The following BRWD1 variants were observed in gnomAD, a reference collection of about 807,000 sequenced individuals.
The protein encoded by BRWD1 is bromodomain and WD repeat domain containing 1.
BRWD1 carries 82 observed loss-of-function variants against 251.2 expected under a neutral mutation model. The observed-to-expected ratio is 0.33, with a 90% CI of 0.27 to 0.39. The LOEUF (loss-of-function observed/expected upper bound fraction) is 0.39, where lower values mean the gene tolerates loss of function less well. Among genes scored for constraint, BRWD1 ranks in the 10% least tolerant of loss-of-function variants. The pLI is 1.00. For missense variants in BRWD1, 2,233 were observed against 2,711.6 expected (o/e 0.82, Z 3.92); for synonymous variants, 918 against 902.8 (o/e 1.02, Z -0.30).
intron 12 of BRWD1, among the ~76,000 whole-genome samples, chr21:39,275,551 CAGTT>C (rs891471969): frequency 2.6e-5 from 4 of 152,018 alleles, no homozygotes; most frequent in African/African-American, 4.8e-5. Context: ...TACAAAGTGA[CAGTT>C]AATTATATAT....
intron 6 of BRWD1, among the ~76,000 whole-genome samples, 153 bp downstream of exon 6, chr21:39,296,112 T>G (rs1474199637): frequency 2.6e-5 from 4 of 152,204 alleles, no homozygotes; most frequent in Non-Finnish European, 5.9e-5. Context: ...TTTTAGTAAT[T>G]ATTTTAACAA....
At chr21:39,285,996 CAT>C (rs1159108934) in intron 8 of BRWD1, among the ~76,000 whole-genome samples, 1 of 144,196 alleles carries the variant, frequency 6.9e-6, no homozygotes, top group African/African-American at 2.5e-5. Context: ...ATTCACATAA[CAT>C]AAAACTCACC....
intron 7 of BRWD1, among the ~76,000 whole-genome samples, chr21:39,295,261 A>T (rs1396538756): frequency 2.3e-5 from 3 of 130,286 alleles, no homozygotes. Context: ...ATTTCTGCAC[A>T]CTGCAAGCTC....
In BRWD1 at chr21:39,229,277, A is replaced by G. The variant is rs142018748; in HGVS notation, c.3125+35T>C. On this transcript the variant is annotated intron_variant, in intron 26 of 40. Coordinates refer to ENST00000342449, the MANE Select transcript of BRWD1 (RefSeq NM_033656.4). The stretch of plus-strand genomic sequence containing the variant: ...TCAATCAGCAAAATGGCAAATTTAA[A>G]TTTAAGTAATTCCATTTTAAAAAAT... 5.5e-4 allele frequency: 840 copies of G among 1,530,678 alleles called. 1 individual carries two copies. Among genetic ancestry groups the G allele is most frequent in the Middle Eastern group, 2.3e-3 (12 of 5,282 alleles). The allele number at this position is 1,530,678 out of a possible 1,614,324, so 94.8% of individuals were successfully genotyped here.
In BRWD1 at chr21:39,319,684, G is replaced by C. The variant is rs1422019707; in HGVS notation, n.534+1342C>G. Among the ~76,000 whole-genome samples, 3 of 152,242 alleles carry C rather than the reference G, an allele frequency of 2.0e-5. No homozygotes were observed. The East Asian group carries it at 5.8e-4, about 29-fold the overall frequency. Reference sequence around the variant, plus strand: ...AGAGGTGTTTGTGAGCATTTCCAGAGAGCATGCCTGTGAAGCTCGCTGAAC... The same window carrying C: ...AGAGGTGTTTGTGAGCATTTCCAGACAGCATGCCTGTGAAGCTCGCTGAAC... On this transcript the variant is annotated intron_variant and non_coding_transcript_variant, in intron 1 of 4. Coordinates refer to the BRWD1 transcript ENST00000470108.
intron 14 of BRWD1, 66 bp from the exon 15 acceptor site, chr21:39,270,099 C>A: frequency 7.4e-7 from 1 of 1,350,292 alleles, no homozygotes; most frequent in Non-Finnish European, 9.9e-7. Context: ...TTTAAAAATA[C>A]ATACTGTTAC....
At chr21:39,313,346 G>T (rs757512589) in intron 1 of BRWD1, 47 bp from the exon 2 acceptor site, 1 of 1,508,858 alleles carries the variant, frequency 6.6e-7, no homozygotes, top group Admixed American at 2.0e-5. Flanking sequence ...GGGAGGGGAG[G>T]GGGACGGGGC....
intron 8 of BRWD1, among the ~76,000 whole-genome samples, chr21:39,290,238 C>A (rs896791401): frequency 7.2e-5 from 11 of 151,990 alleles, no homozygotes; most frequent in Non-Finnish European, 1.5e-4. Flanking sequence ...ACCTGTAATC[C>A]CAGCACTTTG....
In BRWD1 at chr21:39,195,885, AACT is replaced by A; in HGVS notation, c.*371_*373del. On this transcript the variant is annotated 3_prime_UTR_variant, in exon 41 of 41. Coordinates refer to ENST00000342449, the MANE Select transcript of BRWD1 (RefSeq NM_033656.4). Reference sequence around the variant, plus strand: ...TAACTACTATAGAACAGGGGTTAGAAACTACTGCCTCTTTGACAAATTCAGAAA... The same window carrying A: ...TAACTACTATAGAACAGGGGTTAGAAACTGCCTCTTTGACAAATTCAGAAA... The A allele has an allele frequency of 1.0e-6, 1 of 1,001,082 alleles. No individual in the cohort carries two copies. The highest frequency in any genetic ancestry group is 1.2e-6 in the Non-Finnish European group (1 of 840,828). 62.0% of individuals were successfully genotyped at this position (1,001,082 alleles called of 1,614,324 possible).
chr21:39,245,600 G>T (rs73209806), intron 21 of BRWD1, among the ~76,000 whole-genome samples: 857 of 79,296 alleles, frequency 0.011, 2 homozygotes, highest in Middle Eastern at 0.04. Context: ...TTTTTTTTTT[G>T]GTTTTTTTTT....
chr21:39,209,918 G>A, intron 36 of BRWD1, 77 bp downstream of exon 36: 4 of 1,425,280 alleles, frequency 2.8e-6, no homozygotes, highest in Admixed American at 2.1e-5. Context: ...AATTACACTG[G>A]AAAAAATTAC....
At chr21:39,288,667 C>T (rs1027866156) in intron 8 of BRWD1, among the ~76,000 whole-genome samples, 2 of 152,084 alleles carry the variant, frequency 1.3e-5, no homozygotes, top group Non-Finnish European at 2.9e-5. Flanking sequence ...AGTCAATTAA[C>T]ACATATTTTT....
At chr21:39,215,197 T>C in intron 32 of BRWD1, 40 bp downstream of exon 32, 1 of 1,595,492 alleles carries the variant, frequency 6.3e-7, no homozygotes, top group Non-Finnish European at 8.6e-7. Flanking sequence ...AATAGCACAA[T>C]ATGCAGTCAC....
chr21:39,255,705 C>T lies in BRWD1; in HGVS notation c.2195G>A (p.Arg732His), dbSNP rs2034542491. 15 of 1,614,040 alleles carry T rather than the reference C, an allele frequency of 9.3e-6. No homozygotes were observed. The highest frequency in any genetic ancestry group is 1.6e-4 in the Middle Eastern group (1 of 6,084). Residue 732 changes from arginine to histidine, a missense_variant, in exon 19 of 41, where the codon CGT becomes CAT. Physicochemically the swap from Arg to His is conservative, Grantham distance 29. Transcript: ENST00000342449. ...TCTTCGTTTCCAAGCCTGCAGGTCA[C>T]GTTCTGTAGCAATCTGACTGCGTGG... is the stretch of plus-strand genomic sequence containing the variant. ...NAPRSQIATE[R>H]DLQAWKRRVV... is the part of the protein sequence containing the mutation.
At chr21:39,219,508 TTACTGTG>T in intron 29 of BRWD1, 1 of 152,318 alleles carries the variant, frequency 6.6e-6, no homozygotes, top group Non-Finnish European at 1.5e-5. Flanking sequence ...GAAATGTCAT[TTACTGTG>T]TACTGTGTAC....
intron 37 of BRWD1, 140 bp from the exon 38 acceptor site, chr21:39,202,685 A>G (rs1209209558): frequency 3.7e-5 from 23 of 617,214 alleles, no homozygotes; most frequent in Non-Finnish European, 4.4e-5. Context: ...AATATTCACT[A>G]TTAACATTTT....
At chr21:39,320,301 C>T (rs2036735064) in intron 1 of BRWD1, among the ~76,000 whole-genome samples, 1 of 152,182 alleles carries the variant, frequency 6.6e-6, no homozygotes, top group South Asian at 2.1e-4. Flanking sequence ...GGCTTTAAGA[C>T]CACTGCCTCC....
chr21:39,277,422 TA>T, intron 10 of BRWD1, 71 bp from the exon 11 acceptor site: 2 of 952,966 alleles, frequency 2.1e-6, no homozygotes, highest in Non-Finnish European at 1.5e-6. Context: ...ATTTCCATAT[TA>T]AAATATAAAA....
chr21:39,235,308 A>T (rs1023836731), intron 23 of BRWD1: 7 of 152,212 alleles, frequency 4.6e-5, no homozygotes, highest in African/African-American at 1.7e-4. Context: ...TTTGTTTTAA[A>T]ACTGCATGTG....
Sources: gnomAD v4.1 joint callset for allele counts (sites outside exome capture counted in the v4.1 genomes callset) on GRCh38, gnomAD v4.1.1 for gene constraint, MANE v1.5 for transcripts, NCBI Gene and HGNC (gene_info 2026-07-23, HGNC 2026-07-21) for gene names.